The following CHSY3 variants were observed in gnomAD, a reference collection of about 807,000 sequenced individuals.
CHSY3 encodes the protein N-acetylgalactosaminyl-proteoglycan 3-beta-glucuronosyltransferase 3.
A neutral mutation model predicts 67.2 loss-of-function variants in CHSY3; 35 were observed. That is an observed-to-expected ratio of 0.52 (90% CI 0.40 to 0.69). CHSY3 has a LOEUF of 0.69. CHSY3 is among the 30% of genes least tolerant of loss of function. The pLI is 0.00. For synonymous variants in CHSY3, 474 were observed against 434.7 expected (o/e 1.09, Z -1.12); for missense variants, 1,069 against 1,138.5 (o/e 0.94, Z 0.88).
At chr5:129,998,253 C>A (rs952373766) in intron 2 of CHSY3, among the ~76,000 whole-genome samples, 2 of 152,188 alleles carry the variant, frequency 1.3e-5, no homozygotes, top group African/African-American at 2.4e-5. Context: ...AATAACACTT[C>A]GGTTATTTTT....
At chr5:130,097,073 A>C (rs939818989) in intron 2 of CHSY3, among the ~76,000 whole-genome samples, 4 of 152,204 alleles carry the variant, frequency 2.6e-5, no homozygotes, top group African/African-American at 9.7e-5. Context: ...CAATTCTCTT[A>C]GATAATTCTA....
intron 2 of CHSY3, among the ~76,000 whole-genome samples, chr5:130,000,882 CTTCT>C (rs796204967): frequency 7.2e-6 from 1 of 138,664 alleles, no homozygotes; most frequent in African/African-American, 2.9e-5. Context: ...GCCAGCCTGT[CTTCT>C]TTTTTTTTTT....
chr5:130,041,427 T>C (rs1765003922), intron 2 of CHSY3, among the ~76,000 whole-genome samples: 1 of 152,100 alleles, frequency 6.6e-6, no homozygotes, highest in African/African-American at 2.4e-5. Context: ...GAATGCTGCA[T>C]TTCTACAATA....
Position 130,138,145 on chromosome 5 carries a change from A to T in CHSY3, c.1087-46084A>T, listed in dbSNP as rs1768726856. Among the ~76,000 whole-genome samples, 2 of 152,224 alleles carry T rather than the reference A, an allele frequency of 1.3e-5. 1 individual carries two copies. Among genetic ancestry groups the T allele is most frequent in the South Asian group, 4.1e-4 (2 of 4,830 alleles). The stretch of plus-strand genomic sequence containing the variant: ...AGCAATTTTGTAACTCTTGCTTACC[A>T]ATCCCTGCTACAGATGTTATTTAAG... On this transcript the variant is annotated intron_variant, in intron 2 of 2. Coordinates refer to ENST00000305031, the MANE Select transcript of CHSY3 (RefSeq NM_175856.5).
At chr5:130,054,897 T>A (rs73245409) in intron 2 of CHSY3, among the ~76,000 whole-genome samples, 1 of 152,160 alleles carries the variant, frequency 6.6e-6, no homozygotes, top group South Asian at 2.1e-4. Context: ...TTTCTGATCC[T>A]ACCTAATGTA....
chr5:129,940,403 G>T (rs1761661232), intron 2 of CHSY3, among the ~76,000 whole-genome samples: 1 of 152,068 alleles, frequency 6.6e-6, no homozygotes, highest in Non-Finnish European at 1.5e-5. Flanking sequence ...TTTTTCAAAA[G>T]AGTAATTACC....
chr5:129,953,030 T>G (rs1762067583), intron 2 of CHSY3, among the ~76,000 whole-genome samples: 2 of 152,108 alleles, frequency 1.3e-5, no homozygotes, highest in African/African-American at 4.8e-5. Context: ...GTGCAGAACG[T>G]GCAGGTTTGT....
At chr5:129,932,028 G>A (rs1375363037) in intron 2 of CHSY3, among the ~76,000 whole-genome samples, 3 of 148,826 alleles carry the variant, frequency 2.0e-5, no homozygotes, top group Non-Finnish European at 4.4e-5. Flanking sequence ...GAAAAAACAT[G>A]TATTTGTATG....
At chr5:129,950,861 C>A (rs1242353641) in intron 2 of CHSY3, among the ~76,000 whole-genome samples, 1 of 152,120 alleles carries the variant, frequency 6.6e-6, no homozygotes, top group Non-Finnish European at 1.5e-5. Flanking sequence ...AAATCCTTAT[C>A]AAAATTCCAA....
intron 2 of CHSY3, among the ~76,000 whole-genome samples, chr5:130,130,851 C>T (rs532376398): frequency 1.3e-5 from 2 of 152,252 alleles, no homozygotes; most frequent in East Asian, 3.9e-4. Context: ...AGAAATGATA[C>T]ATTCCCTGTA....
At chr5:130,106,350 G>T (rs903705594) in intron 2 of CHSY3, among the ~76,000 whole-genome samples, 2 of 151,508 alleles carry the variant, frequency 1.3e-5, no homozygotes, top group African/African-American at 4.8e-5. Context: ...CCATTAATTT[G>T]TGTTATGGGC....
At chr5:130,036,281 C>T (rs992411281) in intron 2 of CHSY3, among the ~76,000 whole-genome samples, 5 of 152,078 alleles carry the variant, frequency 3.3e-5, no homozygotes, top group African/African-American at 1.2e-4. Flanking sequence ...TGTATCTTCT[C>T]ACTTTGTTTG....
In CHSY3 at chr5:130,170,306, G is replaced by A. The variant is rs1447534544; in HGVS notation, c.1087-13923G>A. ...CAGCTGCACCCAGTGTTGCTGCAAA[G>A]GACATGATTTCATTCTTTTTTATAA... On this transcript the variant is annotated intron_variant, in intron 2 of 2. Transcript: ENST00000305031. 3.3e-5 allele frequency among the ~76,000 whole-genome samples: 5 copies of A among 152,004 alleles called. No homozygotes were observed. The East Asian group carries it at 5.8e-4, about 18-fold the overall frequency.
intron 2 of CHSY3, among the ~76,000 whole-genome samples, chr5:130,173,376 C>G (rs1031192375): frequency 6.6e-5 from 10 of 152,048 alleles, no homozygotes; most frequent in Admixed American, 4.6e-4. Flanking sequence ...TGTCCTTTAT[C>G]CAGTTTCTCT....
At chr5:129,999,245 A>G (rs1763647556) in intron 2 of CHSY3, among the ~76,000 whole-genome samples, 1 of 151,868 alleles carries the variant, frequency 6.6e-6, no homozygotes, top group African/African-American at 2.4e-5. Context: ...TTCTATATAC[A>G]TATACACCCA....
At chr5:130,018,963 G>A (rs1168144184) in intron 2 of CHSY3, among the ~76,000 whole-genome samples, 1 of 151,980 alleles carries the variant, frequency 6.6e-6, no homozygotes, top group East Asian at 1.9e-4. Context: ...GCTTCCCCTC[G>A]GACCATCTCT....
intron 2 of CHSY3, among the ~76,000 whole-genome samples, chr5:130,061,751 G>A (rs1163503966): frequency 6.6e-6 from 1 of 151,992 alleles, no homozygotes; most frequent in Non-Finnish European, 1.5e-5. Flanking sequence ...GACATGAAGA[G>A]TCATTCCTCC....
chr5:130,054,412 T>A (rs753091527), intron 2 of CHSY3, among the ~76,000 whole-genome samples: 3 of 152,210 alleles, frequency 2.0e-5, no homozygotes, highest in Non-Finnish European at 1.5e-5. Flanking sequence ...TTTCCTTAAA[T>A]GTCTATATGC....
At chr5:130,068,142 G>C (rs1765944163) in intron 2 of CHSY3, among the ~76,000 whole-genome samples, 1 of 151,974 alleles carries the variant, frequency 6.6e-6, no homozygotes. Flanking sequence ...TTCTTTATTG[G>C]TTTTCCAGCC....
Sources: allele counts gnomAD v4.1 joint callset (sites outside exome capture counted in the v4.1 genomes callset), GRCh38; gene constraint gnomAD v4.1.1; transcripts MANE v1.5; gene names NCBI Gene and HGNC (gene_info 2026-07-23, HGNC 2026-07-21).